CAST: variants seen among roughly 807,000 people sequenced by gnomAD.
The protein encoded by CAST is calpastatin.
Under a neutral mutation model 119.6 loss-of-function variants are expected in CAST, and 76 were observed. The ratio of observed to expected loss-of-function variants is 0.64; its 90% CI spans 0.53 to 0.77. The LOEUF (loss-of-function observed/expected upper bound fraction) is 0.77. Among genes scored for constraint, CAST ranks in the 30% least tolerant of loss-of-function variants. The pLI is 0.00. For missense variants in CAST, 953 were observed against 946.5 expected, an observed-to-expected ratio of 1.01 and a Z score of -0.09; for synonymous variants, 319 against 331.6, an observed-to-expected ratio of 0.96 and a Z score of 0.41.
chr5:96,444,959 GC>G, the CAST span, among the ~76,000 whole-genome samples: 4 of 152,144 alleles, frequency 2.6e-5, no homozygotes, highest in African/African-American at 9.7e-5. Flanking sequence ...CTGCAGGATG[GC>G]CTGGCCAGAT....
the CAST span, among the ~76,000 whole-genome samples, chr5:96,519,085 G>T: frequency 6.6e-6 from 1 of 152,126 alleles, no homozygotes; most frequent in Non-Finnish European, 1.5e-5. Context: ...GAATGGCTGT[G>T]AGTATCAATA....
At chr5:96,508,829 G>A in the CAST span, among the ~76,000 whole-genome samples, 2 of 152,144 alleles carry the variant, frequency 1.3e-5, no homozygotes, top group Non-Finnish European at 2.9e-5. Flanking sequence ...GTAGTTAAGG[G>A]TGCAGACTTA....
At chr5:96,677,034 C>CAAAAA (rs567872750) in intron 2 of CAST, among the ~76,000 whole-genome samples, 3 of 99,454 alleles carry the variant, frequency 3.0e-5, no homozygotes, top group Non-Finnish European at 2.1e-5. Context: ...AGCTGGGTGA[C>CAAAAA]AAAAAAAAAA....
chr5:96,568,723 A>G (rs973683665), intron 1 of CAST, among the ~76,000 whole-genome samples: 4 of 151,946 alleles, frequency 2.6e-5, no homozygotes, highest in African/African-American at 9.7e-5. Flanking sequence ...TTTCATGGGA[A>G]TATTTACTTT....
At chr5:96,389,894 C>T in the CAST span, among the ~76,000 whole-genome samples, 2 of 151,908 alleles carry the variant, frequency 1.3e-5, no homozygotes, top group Non-Finnish European at 2.9e-5. Flanking sequence ...ATGATCATGC[C>T]ATTGCACTGT....
chr5:96,186,678 T>A, the CAST span, among the ~76,000 whole-genome samples: 2 of 152,170 alleles, frequency 1.3e-5, no homozygotes, highest in African/African-American at 4.8e-5. Flanking sequence ...TTTGAACCAA[T>A]CTTGCATCCT....
chr5:96,277,394 G>A, the CAST span, among the ~76,000 whole-genome samples: 1 of 151,648 alleles, frequency 6.6e-6, no homozygotes, highest in East Asian at 1.9e-4. Context: ...TTTCATTAGT[G>A]TGTGATGACT....
At chr5:96,522,872 T>G (rs890832305), upstream of CAST, among the ~76,000 whole-genome samples, 5 of 152,192 alleles carry the variant, frequency 3.3e-5, no homozygotes, top group African/African-American at 4.8e-5. Flanking sequence ...GACATGGAAG[T>G]CATCCTAAGT....
At chr5:96,093,066 A>G in the CAST span, among the ~76,000 whole-genome samples, 1 of 152,172 alleles carries the variant, frequency 6.6e-6, no homozygotes, top group Non-Finnish European at 1.5e-5. Flanking sequence ...TTAAAGATTG[A>G]TGTGTGAAGA....
the CAST span, among the ~76,000 whole-genome samples, chr5:96,319,629 A>G: frequency 1.3e-5 from 2 of 152,204 alleles, no homozygotes; most frequent in Admixed American, 1.3e-4. Flanking sequence ...ACAATGTGAG[A>G]TGAGCTGAAA....
chr5:96,771,023 T>A (rs1230598766), intron 30 of CAST, among the ~76,000 whole-genome samples: 1 of 152,162 alleles, frequency 6.6e-6, no homozygotes, highest in Non-Finnish European at 1.5e-5. Context: ...TTTAAATGAT[T>A]ATTACTATGA....
chr5:96,507,558 C>T, the CAST span, among the ~76,000 whole-genome samples: 1 of 152,090 alleles, frequency 6.6e-6, no homozygotes, highest in African/African-American at 2.4e-5. Context: ...CGTTGTTGAG[C>T]CCTTTCTGAA....
At chr5:96,477,303 CGT>C in the CAST span, among the ~76,000 whole-genome samples, 1 of 131,792 alleles carries the variant, frequency 7.6e-6, no homozygotes, top group South Asian at 2.4e-4. Flanking sequence ...TGCACGCACG[CGT>C]GCACACACAC....
chr5:96,589,697 T>G (rs1244581446), intron 1 of CAST, among the ~76,000 whole-genome samples: 5 of 152,214 alleles, frequency 3.3e-5, no homozygotes, highest in Admixed American at 2.6e-4. Flanking sequence ...TAGCATAACT[T>G]CTCTATAGCA....
chr5:96,027,333 CA>C, the CAST span, among the ~76,000 whole-genome samples: 1 of 151,200 alleles, frequency 6.6e-6, no homozygotes, highest in Non-Finnish European at 1.5e-5. Context: ...AATAAAATTT[CA>C]AAAATAAAAA....
the CAST span, among the ~76,000 whole-genome samples, chr5:96,026,884 G>A: frequency 6.6e-6 from 1 of 152,028 alleles, no homozygotes; most frequent in South Asian, 2.1e-4. Context: ...AGACTATTTT[G>A]CAATATTAAA....
chr5:96,144,908 C>G, the CAST span, among the ~76,000 whole-genome samples: 24 of 152,168 alleles, frequency 1.6e-4, no homozygotes, highest in African/African-American at 5.8e-4. Flanking sequence ...ATACCGAACA[C>G]TTTGCTGGGT....
rs556675653 is a variant in CAST, at chr5:96,739,733, C to G, written c.799-305C>G. On this transcript the variant is annotated intron_variant, in intron 11 of 31. Coordinates refer to ENST00000675179, the MANE Select transcript of CAST (RefSeq NM_001750.7). ...ATACATAAACTCATTATCTTATTAACTGCTCTTTTGTATTGGTTAGAAACC... is the reference window on the plus strand; with the variant it reads ...ATACATAAACTCATTATCTTATTAAGTGCTCTTTTGTATTGGTTAGAAACC... 8.5e-5 allele frequency among the ~76,000 whole-genome samples: 13 copies of G among 152,304 alleles called. No individual in the cohort carries two copies. The East Asian group carries it at 2.5e-3, about 29-fold the overall frequency.
chr5:96,433,281 T>C, the CAST span: 2 of 564,134 alleles, frequency 3.5e-6, no homozygotes, highest in East Asian at 3.0e-5. Context: ...AGAATGGAAA[T>C]GAGTGTTTAC....
Sources: allele counts gnomAD v4.1 joint callset (sites outside exome capture counted in the v4.1 genomes callset), GRCh38; gene constraint gnomAD v4.1.1; transcripts MANE v1.5; gene names NCBI Gene and HGNC (gene_info 2026-07-23, HGNC 2026-07-21).